CSMD1: variants seen among roughly 807,000 people sequenced by gnomAD.
CSMD1 encodes CUB and sushi domain-containing protein 1.
CSMD1 carries 213 observed loss-of-function variants against 417.5 expected under a neutral mutation model. The ratio of observed to expected loss-of-function variants is 0.51; its 90% confidence interval spans 0.46 to 0.57. The LOEUF is 0.57. Among genes scored for constraint, CSMD1 ranks in the 20% least tolerant of loss-of-function variants. CSMD1 has a pLI of 0.00. For missense variants in CSMD1, 6,923 were observed against 4,529.7 expected (o/e 1.53, Z -15.17); for synonymous variants, 2,862 against 1,736.8 (o/e 1.65, Z -16.11).
In CSMD1 at chr8:4,052,686, G is replaced by C. The variant is rs186206492; in HGVS notation, c.416-20587C>G. On this transcript the variant is annotated intron_variant, in intron 3 of 69. Coordinates refer to ENST00000635120, the MANE Select transcript of CSMD1 (RefSeq NM_033225.6). ...GAAGGAATCATCCCATAATAAGTAA[G>C]GTGTATATATTTGCTATTAATGTTA... Among the ~76,000 whole-genome samples the C allele has an allele frequency of 2.2e-3, 334 of 152,114 alleles. 9 individuals are homozygous for C. Among genetic ancestry groups the C allele is most frequent in the Non-Finnish European group, 2.5e-4 (17 of 67,992 alleles).
chr8:3,940,421 G>T (rs769927059), intron 5 of CSMD1, among the ~76,000 whole-genome samples: 39 of 151,628 alleles, frequency 2.6e-4, no homozygotes, highest in African/African-American at 7.5e-4. Context: ...TTTATAATAT[G>T]TATGTTGTAA....
intron 52 of CSMD1, among the ~76,000 whole-genome samples, chr8:3,001,713 G>A (rs80117737): frequency 6.8e-4 from 103 of 152,208 alleles, no homozygotes; most frequent in Non-Finnish European, 1.1e-3. Flanking sequence ...GAAACTTTTC[G>A]TAGGAAAACA....
At chr8:4,852,593 G>A (rs1801541852) in intron 1 of CSMD1, among the ~76,000 whole-genome samples, 1 of 152,186 alleles carries the variant, frequency 6.6e-6, no homozygotes, top group South Asian at 2.1e-4. Flanking sequence ...GGTACCAGGA[G>A]TGGGATGTTG....
At chr8:3,758,801 G>T (rs1437088269) in intron 5 of CSMD1, among the ~76,000 whole-genome samples, 1 of 152,136 alleles carries the variant, frequency 6.6e-6, no homozygotes, top group African/African-American at 2.4e-5. Flanking sequence ...TGAGGACTTT[G>T]CAGAACAATG....
intron 2 of CSMD1, among the ~76,000 whole-genome samples, chr8:4,584,217 C>A (rs1275906153): frequency 2.0e-5 from 3 of 151,944 alleles, no homozygotes; most frequent in Non-Finnish European, 4.4e-5. Context: ...CTAGTGAGAC[C>A]AAGAACCCAC....
At chr8:3,933,525 G>A (rs901233594) in intron 5 of CSMD1, among the ~76,000 whole-genome samples, 5 of 152,114 alleles carry the variant, frequency 3.3e-5, no homozygotes, top group African/African-American at 1.2e-4. Context: ...CAGTCTGCAG[G>A]CCTTTGAGAA....
intron 26 of CSMD1, among the ~76,000 whole-genome samples, chr8:3,234,686 G>A (rs1799046305): frequency 6.6e-6 from 1 of 152,190 alleles, no homozygotes; most frequent in South Asian, 2.1e-4. Flanking sequence ...CAGGATAGAT[G>A]TGAAGATGCA....
chr8:4,439,138 C>G (rs1007039659), intron 2 of CSMD1, among the ~76,000 whole-genome samples: 1 of 152,094 alleles, frequency 6.6e-6, no homozygotes, highest in African/African-American at 2.4e-5. Flanking sequence ...TCTATATCAC[C>G]TTGTTACTGC....
intron 3 of CSMD1, among the ~76,000 whole-genome samples, chr8:4,302,743 G>C (rs1314513816): frequency 6.6e-6 from 1 of 152,072 alleles, no homozygotes; most frequent in Non-Finnish European, 1.5e-5. Context: ...AAGTCATTTA[G>C]TTTTTTACTG....
intron 3 of CSMD1, among the ~76,000 whole-genome samples, chr8:4,332,155 G>A (rs1799902481): frequency 1.3e-5 from 2 of 152,058 alleles, no homozygotes; most frequent in South Asian, 4.1e-4. Flanking sequence ...AGTTGCTTAG[G>A]TCATGGAGCA....
At chr8:3,994,965 C>A (rs1225145002) in intron 5 of CSMD1, among the ~76,000 whole-genome samples, 3 of 152,242 alleles carry the variant, frequency 2.0e-5, no homozygotes, top group South Asian at 2.1e-4. Flanking sequence ...CTCGCACCAC[C>A]CTCCTGGCTC....
At chr8:4,653,430 C>A (rs1175735607) in intron 1 of CSMD1, among the ~76,000 whole-genome samples, 1 of 152,046 alleles carries the variant, frequency 6.6e-6, no homozygotes, top group East Asian at 1.9e-4. Context: ...CACAAGAGTA[C>A]CTTGTCTGTC....
At position 3,108,603 on chromosome 8, in the gene CSMD1, C is replaced by T. The variant is rs369177851; in HGVS notation, c.6754G>A (p.Ala2252Thr). The change falls in exon 44 of 70, where the codon GCA (alanine) becomes ACA (threonine). Residue 2252 changes from alanine (A) to threonine (T), a missense_variant and splice_region_variant. Ala to Thr is a moderately conservative substitution (Grantham distance 58). Coordinates refer to ENST00000635120, the MANE Select transcript of CSMD1 (RefSeq NM_033225.6). ...ACTAACGGAGTGAAAATCAACTGAC[C>T]GTGGAAATTGAGGACAAAGAAGCCT... Reference protein sequence around the residue: ...NGGFFVLNFHAFQLKKCQPPP... With the variant: ...NGGFFVLNFHTFQLKKCQPPP... 9.9e-6 allele frequency: 16 copies of T among 1,613,334 alleles called. No homozygotes were observed. The East Asian group carries it at 1.8e-4, about 18-fold the overall frequency.
intron 3 of CSMD1, among the ~76,000 whole-genome samples, chr8:4,211,730 G>C (rs1230946230): frequency 3.9e-5 from 6 of 152,190 alleles, no homozygotes; most frequent in Non-Finnish European, 7.3e-5. Flanking sequence ...CAAGTGGGGA[G>C]TTGACAAAGA....
intron 5 of CSMD1, among the ~76,000 whole-genome samples, chr8:3,903,462 C>A (rs968714365): frequency 1.3e-5 from 2 of 152,124 alleles, no homozygotes; most frequent in Non-Finnish European, 2.9e-5. Context: ...ATATTACTCT[C>A]AAGAAAGTCT....
At chr8:3,954,792 G>A (rs756882255) in intron 5 of CSMD1, among the ~76,000 whole-genome samples, 2 of 151,606 alleles carry the variant, frequency 1.3e-5, no homozygotes, top group Non-Finnish European at 3.0e-5. Flanking sequence ...TTACATGCAC[G>A]CAGAGCCTCC....
chr8:3,646,130 CT>C (rs1310460723), intron 7 of CSMD1, among the ~76,000 whole-genome samples: 1 of 150,662 alleles, frequency 6.6e-6, no homozygotes, highest in Admixed American at 6.6e-5. Flanking sequence ...TTGAAGAATG[CT>C]TATTAACACT....
intron 1 of CSMD1, among the ~76,000 whole-genome samples, chr8:4,836,976 T>C (rs1402235960): frequency 6.6e-6 from 1 of 151,914 alleles, no homozygotes; most frequent in Non-Finnish European, 1.5e-5. Context: ...ACAGATGGCC[T>C]TTTTTTGTTG....
intron 3 of CSMD1, among the ~76,000 whole-genome samples, chr8:4,115,338 A>G (rs897460222): frequency 6.6e-6 from 1 of 152,208 alleles, no homozygotes; most frequent in Non-Finnish European, 1.5e-5. Context: ...CACATTTTAG[A>G]CATAATACTG....
Sources: allele counts gnomAD v4.1 joint callset (sites outside exome capture counted in the v4.1 genomes callset), GRCh38; gene constraint gnomAD v4.1.1; transcripts MANE v1.5; gene names NCBI Gene and HGNC (gene_info 2026-07-23, HGNC 2026-07-21).